BAZ2B: variants seen among roughly 807,000 people sequenced by gnomAD.
The protein encoded by BAZ2B is bromodomain adjacent to zinc finger domain protein 2B.
BAZ2B carries 91 observed loss-of-function variants against 246.0 expected under a neutral mutation model. The ratio of observed to expected loss-of-function variants is 0.37; its 90% CI spans 0.31 to 0.44. The LOEUF is 0.44. Ranked by LOEUF, BAZ2B falls within the 20% of genes least tolerant of loss-of-function variation. The pLI, the probability that BAZ2B is intolerant of heterozygous loss-of-function variation, is 1.00. For synonymous variants in BAZ2B, 855 were observed against 860.0 expected, an observed-to-expected ratio of 0.99 and a Z score of 0.10; for missense variants, 2,332 against 2,533.7, an observed-to-expected ratio of 0.92 and a Z score of 1.71.
chr2:159,510,608 A>C (rs1031458504), intron 2 of BAZ2B, among the ~76,000 whole-genome samples: 2 of 152,126 alleles, frequency 1.3e-5, no homozygotes, highest in Non-Finnish European at 2.9e-5. Flanking sequence ...GGTTAAAATG[A>C]CAAATTTTAT....
chr2:159,543,071 C>T (rs771763066), intron 2 of BAZ2B, among the ~76,000 whole-genome samples: 4 of 152,152 alleles, frequency 2.6e-5, no homozygotes, highest in East Asian at 1.9e-4. Context: ...CAAAGTTGTT[C>T]GGAGGATGAA....
chr2:159,669,676 G>T, the BAZ2B span, among the ~76,000 whole-genome samples: 2 of 152,018 alleles, frequency 1.3e-5, no homozygotes, highest in Non-Finnish European at 2.9e-5. Flanking sequence ...TCTTAAAAGC[G>T]ATTTCATCTG....
At chr2:159,619,212 T>C (rs973470158), upstream of BAZ2B, among the ~76,000 whole-genome samples, 10 of 151,958 alleles carry the variant, frequency 6.6e-5, no homozygotes, top group Admixed American at 5.9e-4. Context: ...AATATGTATA[T>C]GCAATTTCAA....
rs1454840956 is a variant in BAZ2B at position 159,386,564 on chromosome 2, C to G, written c.3260G>C (p.Gly1087Ala). 1 of 1,613,032 alleles carries G rather than the reference C, an allele frequency of 6.2e-7. No individual in the cohort carries two copies. Among genetic ancestry groups the G allele is most frequent in the African/African-American group, 1.3e-5 (1 of 74,940 alleles). ...CATGAGACAGTCTGAAAATGTACTT[C>G]CAGAGAGAACAAGTCCTGGAATACG... is the stretch of plus-strand genomic sequence containing the variant. ...LPRIPGLVLS[G>A]STFSDCLMVV... The change falls in exon 22 of 37, where the codon GGA becomes GCA. Residue 1087 changes from glycine to alanine, a missense_variant. Gly to Ala is a moderately conservative substitution (Grantham distance 60). Coordinates refer to ENST00000392783, the MANE Select transcript of BAZ2B (RefSeq NM_013450.4).
chr2:159,560,782 C>T (rs200843402), intron 1 of BAZ2B, among the ~76,000 whole-genome samples: 1 of 152,048 alleles, frequency 6.6e-6, no homozygotes, highest in East Asian at 1.9e-4. Flanking sequence ...CCGCCTTGGC[C>T]TCCCAAAGTG....
In BAZ2B at chr2:159,373,155, G is replaced by C. The variant is rs764609647; in HGVS notation, c.4103C>G (p.Ala1368Gly). The stretch of plus-strand genomic sequence containing the variant: ...CATCACTGAACGCAATGAGTGAGAC[G>C]CATCAAAGAGCTTCCTTCTGTACTG... ...QSQYRRKLFD[A>G]SHSLRSVMFG... Residue 1368 changes from alanine to glycine, a missense_variant, in exon 27 of 37, where the codon GCG (alanine) becomes GGG (glycine). Around this residue, in one of 9 missense-constraint regions of BAZ2B, gnomAD observed 676 missense variants for 668.6 expected, o/e 1.01. Coordinates refer to ENST00000392783, the MANE Select transcript of BAZ2B (RefSeq NM_013450.4). 5 of 1,613,672 alleles carry C rather than the reference G, an allele frequency of 3.1e-6. No individual in the cohort carries two copies. The Admixed American group carries it at 8.3e-5, about 27-fold the overall frequency.
chr2:159,464,908 C>T (rs574074435), intron 3 of BAZ2B: 69 of 152,250 alleles, frequency 4.5e-4, no homozygotes, highest in African/African-American at 1.6e-3. Context: ...ACTTTACTTA[C>T]CTTAACCTAA....
intron 20 of BAZ2B, among the ~76,000 whole-genome samples, chr2:159,393,016 CA>C: frequency 7.4e-6 from 1 of 135,812 alleles, no homozygotes; most frequent in South Asian, 2.5e-4. Flanking sequence ...GAAAAGTTAA[CA>C]TTTGACTGAT....
the BAZ2B span, among the ~76,000 whole-genome samples, chr2:159,632,005 T>C: frequency 6.6e-6 from 1 of 152,154 alleles, no homozygotes; most frequent in African/African-American, 2.4e-5. Context: ...CTGCAGACAA[T>C]TTACCTGTGA....
rs570811904 is a variant in BAZ2B, at chr2:159,362,562, A to G, written c.4213+10483T>C. ...ACTCTCACTAACAAACTTTGCTGCT[A>G]TTAGCACCATGTGTGTTAGTGGTTT... On this transcript the variant is annotated intron_variant, in intron 27 of 36. Coordinates refer to ENST00000392783, the MANE Select transcript of BAZ2B (RefSeq NM_013450.4). Among the ~76,000 whole-genome samples, 20 of 152,252 alleles carry G rather than the reference A, an allele frequency of 1.3e-4. No homozygotes were observed. The South Asian group carries it at 3.5e-3, about 27-fold the overall frequency.
chr2:159,560,090 GTCTT>G (rs373905917), intron 1 of BAZ2B, among the ~76,000 whole-genome samples: 33 of 152,208 alleles, frequency 2.2e-4, no homozygotes, highest in African/African-American at 7.5e-4. Flanking sequence ...CCAAAACAAA[GTCTT>G]TCTTTATGTA....
intron 17 of BAZ2B, among the ~76,000 whole-genome samples, chr2:159,399,567 T>TA (rs1189661159): frequency 1.3e-5 from 2 of 152,162 alleles, no homozygotes; most frequent in Non-Finnish European, 1.5e-5. Context: ...ATAAGCTTCA[T>TA]AATCTTAAAA....
intron 2 of BAZ2B, among the ~76,000 whole-genome samples, chr2:159,554,606 A>G (rs2088818226): frequency 6.6e-6 from 1 of 152,192 alleles, no homozygotes; most frequent in African/African-American, 2.4e-5. Flanking sequence ...GTTTTCAAAA[A>G]AAAAAGATTG....
At chr2:159,343,739 A>G (rs1287641388) in intron 31 of BAZ2B, among the ~76,000 whole-genome samples, 1 of 152,140 alleles carries the variant, frequency 6.6e-6, no homozygotes, top group Non-Finnish European at 1.5e-5. Context: ...CAAAAAGAAA[A>G]AAAACGGCCG....
the BAZ2B span, chr2:159,689,196 A>G: frequency 1.3e-5 from 6 of 445,752 alleles, no homozygotes; most frequent in Non-Finnish European, 2.5e-5. Flanking sequence ...TTTATTTGCC[A>G]CTATTATAAG....
chr2:159,502,265 A>G (rs2081924976), intron 2 of BAZ2B, among the ~76,000 whole-genome samples: 1 of 152,100 alleles, frequency 6.6e-6, no homozygotes, highest in South Asian at 2.1e-4. Context: ...GAATACACTA[A>G]AAACTGAATT....
At chr2:159,618,204 C>A (rs574032914), upstream of BAZ2B, among the ~76,000 whole-genome samples, 9 of 152,182 alleles carry the variant, frequency 5.9e-5, no homozygotes, top group South Asian at 1.7e-3. Context: ...TCTTCCATCC[C>A]CAGAAAAGCA....
chr2:159,519,143 T>C (rs2083756434), intron 2 of BAZ2B, among the ~76,000 whole-genome samples: 1 of 148,834 alleles, frequency 6.7e-6, no homozygotes, highest in Non-Finnish European at 1.5e-5. Context: ...TCTTTAAACA[T>C]ACACTAACAA....
chr2:159,626,233 G>C, the BAZ2B span, among the ~76,000 whole-genome samples: 9 of 152,072 alleles, frequency 5.9e-5, no homozygotes, highest in African/African-American at 1.9e-4. Flanking sequence ...AATAGTGGGA[G>C]ACTTTAACAC....
Sources: gnomAD v4.1 joint callset for allele counts (sites outside exome capture counted in the v4.1 genomes callset) on GRCh38, gnomAD v4.1.1 for gene constraint, gnomAD v4.1.1 regional missense constraint, MANE v1.5 for transcripts, NCBI Gene and HGNC (gene_info 2026-07-23, HGNC 2026-07-21) for gene names.